GAD1: variants seen among roughly 807,000 people sequenced by gnomAD.
GAD1 encodes glutamate decarboxylase 1.
In GAD1, 35 loss-of-function variants were observed where a neutral mutation model predicts 75.2. That is an observed-to-expected ratio of 0.47 (90% CI 0.36 to 0.62). GAD1 has a LOEUF of 0.62. Ranked by LOEUF, GAD1 falls within the 20% of genes least tolerant of loss-of-function variation. GAD1 has a pLI of 0.00. For missense variants in GAD1, 490 were observed against 758.5 expected (o/e 0.65, Z 4.16); for synonymous variants, 257 against 271.9 (o/e 0.95, Z 0.54).
At chr2:170,844,304 C>T in intron 7 of GAD1, 147 bp downstream of exon 7, 1 of 658,882 alleles carries the variant, frequency 1.5e-6, no homozygotes, top group Middle Eastern at 3.0e-4. Context: ...AACAAAAATG[C>T]TACATTCTAT....
At chr2:170,823,051 T>C (rs1442678080) in intron 3 of GAD1, among the ~76,000 whole-genome samples, 1 of 152,216 alleles carries the variant, frequency 6.6e-6, no homozygotes, top group Admixed American at 6.5e-5. Flanking sequence ...GGCTGAACAA[T>C]GAGGCCTCAC....
intron 16 of GAD1, 126 bp from the exon 17 acceptor site, chr2:170,859,583 A>G: frequency 8.3e-6 from 8 of 960,714 alleles, no homozygotes; most frequent in South Asian, 1.4e-5. Context: ...ATTCCTGGAT[A>G]TGAAATATTT....
intron 15 of GAD1, 79 bp from the exon 16 acceptor site, chr2:170,858,725 A>T: frequency 7.9e-7 from 1 of 1,258,220 alleles, no homozygotes; most frequent in Non-Finnish European, 1.2e-6. Flanking sequence ...GACTTCCACC[A>T]AGGATGCATA....
chr2:170,854,875 C>T (rs1024466204), intron 14 of GAD1, among the ~76,000 whole-genome samples: 2 of 152,170 alleles, frequency 1.3e-5, no homozygotes, highest in East Asian at 3.8e-4. Context: ...CTGCATTCAT[C>T]AACCTTTTGG....
rs1425702366 is a variant in GAD1, at chr2:170,849,104, A to C, written c.1120-182A>C. The C allele has an allele frequency of 7.4e-6, 5 of 675,588 alleles. No individual in the cohort carries two copies. The Admixed American group carries it at 1.0e-4, about 14-fold the overall frequency. The allele number at this position is 675,588 out of a possible 1,614,324, so 41.8% of individuals were successfully genotyped here. A position where few individuals can be genotyped will look rare whatever the true frequency, so the allele number is the denominator to read the frequency against. ...AAGTCCAGAGGAACTTTGAAAAAGA[A>C]ATGACAAGCAATGAAGAATCACAAC... On this transcript the variant is annotated intron_variant, in intron 11 of 16. Coordinates refer to ENST00000358196, the MANE Select transcript of GAD1 (RefSeq NM_000817.3).
intron 12 of GAD1, 51 bp downstream of exon 12, chr2:170,849,401 C>A (rs756504166): frequency 1.3e-6 from 2 of 1,531,554 alleles, no homozygotes; most frequent in East Asian, 2.3e-5. Flanking sequence ...ATCAAACAGA[C>A]CATGCTCTGA....
At chr2:170,840,725 A>T (rs1026308424) in intron 6 of GAD1, among the ~76,000 whole-genome samples, 28 of 145,842 alleles carry the variant, frequency 1.9e-4, no homozygotes, top group East Asian at 3.9e-4. Flanking sequence ...AAAAAAAATT[A>T]AAAAAAAAAC....
Position 170,818,091 on chromosome 2 carries a change from C to G in GAD1, c.-63-438C>G, listed in dbSNP as rs148155934. 6 of 170,858 alleles carry G rather than the reference C, an allele frequency of 3.5e-5. No individual in the cohort carries two copies. Among genetic ancestry groups the G allele is most frequent in the Non-Finnish European group, 5.0e-5 (4 of 79,554 alleles). 10.6% of individuals were successfully genotyped at this position (170,858 alleles called of 1,614,324 possible). On this transcript the variant is annotated intron_variant, in intron 1 of 16. Coordinates refer to ENST00000358196, the MANE Select transcript of GAD1 (RefSeq NM_000817.3). The surrounding 1 kb of genome is among the most constrained non-coding windows in gnomAD (Gnocchi z 5.9). ...CATGCCCGCCCCGTGCGCCCTCCCCCCGCTGGCCCACACGCCGGCTGCTGA... is the reference window on the plus strand; with the variant it reads ...CATGCCCGCCCCGTGCGCCCTCCCCGCGCTGGCCCACACGCCGGCTGCTGA...
In GAD1 at chr2:170,852,474, T is replaced by C. The variant is rs41496949; in HGVS notation, c.1185-240T>C. On this transcript the variant is annotated intron_variant, in intron 12 of 16. Transcript: ENST00000358196. ...TGAAAGCTCTCAAGACAATAAGACATATAATAAGTTATTCATAAATGTTAG... is the reference window on the plus strand; with the variant it reads ...TGAAAGCTCTCAAGACAATAAGACACATAATAAGTTATTCATAAATGTTAG... 7.4e-3 allele frequency: 4,088 copies of C among 554,594 alleles called. 137 individuals carry two copies. The highest frequency in any genetic ancestry group is 0.07 in the African/African-American group (3,727 of 52,984). The allele number at this position is 554,594 out of a possible 1,614,324, so 34.4% of individuals were successfully genotyped here. A position where few individuals can be genotyped will look rare whatever the true frequency, so the allele number is the denominator to read the frequency against.
chr2:170,852,294 A>G (rs1214747381), intron 12 of GAD1, among the ~76,000 whole-genome samples: 1 of 152,188 alleles, frequency 6.6e-6, no homozygotes, highest in African/African-American at 2.4e-5. Context: ...CCTTTATTCA[A>G]TTCTGTGAGG....
chr2:170,818,361 TGC>T lies in GAD1; in HGVS notation c.-63-167_-63-166del, dbSNP rs1701768202. On this transcript the variant is annotated intron_variant, in intron 1 of 16. Transcript: ENST00000358196. This position sits in a 1 kb window ranked among gnomAD's most constrained non-coding sequence, Gnocchi z 5.9. ...GAGCTAGCGCGCACGTCTCCTCCGC[TGC>T]CCCCACCCCTGCGCACCCCTACCAG... 1.7e-6 allele frequency: 1 copy of T among 581,748 alleles called. No homozygotes were observed. Among genetic ancestry groups the T allele is most frequent in the Admixed American group, 2.9e-5 (1 of 34,074 alleles). The allele number at this position is 581,748 out of a possible 1,614,324, so 36.0% of individuals were successfully genotyped here.
intron 5 of GAD1, among the ~76,000 whole-genome samples, chr2:170,831,756 TATAA>T (rs938359740): frequency 4.3e-4 from 62 of 144,794 alleles, no homozygotes; most frequent in Non-Finnish European, 1.5e-4. Context: ...AAAAATAATA[TATAA>T]ATATTTATAT....
chr2:170,831,268 A>C, intron 5 of GAD1, 76 bp downstream of exon 5: 24 of 1,516,530 alleles, frequency 1.6e-5, no homozygotes, highest in Middle Eastern at 1.8e-4. Context: ...TGAGGATATC[A>C]AACTTGTGTT....
chr2:170,832,031 C>T (rs1303406755), intron 5 of GAD1, among the ~76,000 whole-genome samples: 1 of 152,038 alleles, frequency 6.6e-6, no homozygotes. Flanking sequence ...AATGACCCAT[C>T]CTCTGCTTCT....
At chr2:170,831,721 ATAAT>A (rs1399447779) in intron 5 of GAD1, among the ~76,000 whole-genome samples, 1 of 142,724 alleles carries the variant, frequency 7.0e-6, no homozygotes, top group Admixed American at 7.0e-5. Flanking sequence ...AAATTTAAAA[ATAAT>A]AAATTATAAA....
chr2:170,852,631 G>A, intron 12 of GAD1, 83 bp from the exon 13 acceptor site: 1 of 1,138,170 alleles, frequency 8.8e-7, no homozygotes, highest in Non-Finnish European at 1.3e-6. Context: ...ACTAACTTGA[G>A]TTGGAATGGG....
At chr2:170,848,252 C>T (rs1702676027) in intron 11 of GAD1, among the ~76,000 whole-genome samples, 1 of 152,184 alleles carries the variant, frequency 6.6e-6, no homozygotes, top group African/African-American at 2.4e-5. Flanking sequence ...AATGCCAGCA[C>T]TTTGGGCGGC....
At chr2:170,832,439 T>C (rs965707397) in intron 5 of GAD1, among the ~76,000 whole-genome samples, 2 of 152,162 alleles carry the variant, frequency 1.3e-5, no homozygotes, top group African/African-American at 4.8e-5. Context: ...ATGCCAGTCG[T>C]TGGATTAAGG....
At chr2:170,845,926 C>A in intron 9 of GAD1, 83 bp from the exon 10 acceptor site, 2 of 1,486,484 alleles carry the variant, frequency 1.3e-6, no homozygotes, top group Non-Finnish European at 1.9e-6. Flanking sequence ...GATTAAATTG[C>A]TTTTTGCTGC....
Sources: allele counts gnomAD v4.1 joint callset (sites outside exome capture counted in the v4.1 genomes callset), GRCh38; gene constraint gnomAD v4.1.1; non-coding constraint Gnocchi (gnomAD v3.1); transcripts MANE v1.5; gene names NCBI Gene and HGNC (gene_info 2026-07-23, HGNC 2026-07-21).